Variants in KCNMA1 observed in about 807,000 individuals in gnomAD.
The protein encoded by KCNMA1 is potassium calcium-activated channel subfamily M alpha 1.
A neutral mutation model predicts 140.0 loss-of-function variants in KCNMA1; 29 were observed. The observed-to-expected ratio is 0.21, with a 90% CI of 0.15 to 0.28. KCNMA1 has a LOEUF of 0.28. Among genes scored for constraint, KCNMA1 ranks in the 10% least tolerant of loss-of-function variants. The pLI, the probability that KCNMA1 is intolerant of heterozygous loss-of-function variation, is 1.00. For synonymous variants in KCNMA1, 612 were observed against 611.9 expected (o/e 1.00, Z 0.00); for missense variants, 880 against 1,602.2 (o/e 0.55, Z 7.70).
chr10:77,381,488 TTCCTTC>T (rs1259906020), intron 2 of KCNMA1, among the ~76,000 whole-genome samples: 1 of 152,158 alleles, frequency 6.6e-6, no homozygotes, highest in African/African-American at 2.4e-5. Flanking sequence ...AGGCCTCGGT[TTCCTTC>T]TCGGCAGTAT....
chr10:77,507,988 T>C (rs971033095), intron 1 of KCNMA1, among the ~76,000 whole-genome samples: 2 of 152,194 alleles, frequency 1.3e-5, no homozygotes, highest in Admixed American at 6.5e-5. Flanking sequence ...AATAGGGAGA[T>C]GGTTAAGTAA....
intron 3 of KCNMA1, among the ~76,000 whole-genome samples, chr10:77,215,834 G>T (rs1050047447): frequency 4.6e-5 from 7 of 151,808 alleles, no homozygotes; most frequent in African/African-American, 1.7e-4. Context: ...GTCCTTGTAA[G>T]AACAGATACC....
At chr10:77,482,679 G>A (rs1280731782) in intron 1 of KCNMA1, among the ~76,000 whole-genome samples, 4 of 152,024 alleles carry the variant, frequency 2.6e-5, no homozygotes, top group African/African-American at 4.8e-5. Context: ...AAGCTTGAAA[G>A]TCCACAGAGA....
Position 77,195,864 on chromosome 10 carries a change from GT to G in KCNMA1, c.603-10949del, listed in dbSNP as rs931118169. ...CTCGGGAGGCTGAGGCAGGAGAATG[GT>G]TTGAACTCGGGTGGTAGAGGTTGCA... On this transcript the variant is annotated intron_variant, in intron 3 of 27. Coordinates refer to ENST00000286628, the MANE Select transcript of KCNMA1 (RefSeq NM_001161352.2). Among the ~76,000 whole-genome samples, 40 of 152,088 alleles carry G rather than the reference GT, an allele frequency of 2.6e-4. 1 individual carries two copies.
Position 76,886,233 on chromosome 10 carries a change from T to A in KCNMA1, c.*1033A>T, listed in dbSNP as rs1195600178. The A allele has an allele frequency of 1.0e-6, 1 of 985,216 alleles. No individual in the cohort carries two copies. Among genetic ancestry groups the A allele is most frequent in the Non-Finnish European group, 1.2e-6 (1 of 829,904 alleles). 61.0% of individuals were successfully genotyped at this position (985,216 alleles called of 1,614,324 possible). On this transcript the variant is annotated 3_prime_UTR_variant, in exon 28 of 28. Coordinates refer to ENST00000286628, the MANE Select transcript of KCNMA1 (RefSeq NM_001161352.2). Reference sequence around the variant, plus strand: ...TCCTACCTGGCATTGGGGCCCTAACTAATCAAACAAAGGGGAGTAAAAAGA... The same window carrying A: ...TCCTACCTGGCATTGGGGCCCTAACAAATCAAACAAAGGGGAGTAAAAAGA...
intron 2 of KCNMA1, among the ~76,000 whole-genome samples, chr10:77,326,516 C>CGTGGTGGTG (rs71477080): frequency 6.6e-6 from 1 of 151,318 alleles, no homozygotes; most frequent in African/African-American, 2.4e-5. Flanking sequence ...TGAGGACGAG[C>CGTGGTGGTG]GTGGTGGTGG....
chr10:76,885,735 C>A lies in KCNMA1; in HGVS notation c.*1531G>T, dbSNP rs765117675. ...TGAATTGGCCAGTTTTTAAGAAATA[C>A]CGCACTGCCTAAAGCATGATTTGCA... On this transcript the variant is annotated 3_prime_UTR_variant, in exon 28 of 28. Transcript: ENST00000286628. The A allele has an allele frequency of 4.1e-6, 4 of 985,320 alleles. No individual in the cohort carries two copies. The highest frequency in any genetic ancestry group is 4.8e-6 in the Non-Finnish European group (4 of 829,892). The allele number at this position is 985,320 out of a possible 1,614,324, so 61.0% of individuals were successfully genotyped here.
At chr10:76,967,328 T>C (rs2074338763) in intron 20 of KCNMA1, among the ~76,000 whole-genome samples, 1 of 152,158 alleles carries the variant, frequency 6.6e-6, no homozygotes, top group African/African-American at 2.4e-5. Flanking sequence ...GAATAGGACC[T>C]GAAAGTCCCA....
rs1567436184 is a variant in KCNMA1, at chr10:77,542,491, G to A, written c.378+94774C>T. On this transcript the variant is annotated intron_variant, in intron 1 of 27. Transcript: ENST00000286628. ...CCCAGACTTGGCTGATTGTTAGAACGCCTTGGAAGTTTTATAAAAATATAA... is the reference window on the plus strand; with the variant it reads ...CCCAGACTTGGCTGATTGTTAGAACACCTTGGAAGTTTTATAAAAATATAA... 4.6e-5 allele frequency among the ~76,000 whole-genome samples: 7 copies of A among 152,168 alleles called. 1 individual carries two copies. Among genetic ancestry groups the A allele is most frequent in the Admixed American group, 4.6e-4 (7 of 15,282 alleles).
chr10:77,629,561 C>T (rs78480847), intron 1 of KCNMA1, among the ~76,000 whole-genome samples: 1,893 of 152,276 alleles, frequency 0.012, 17 homozygotes, highest in East Asian at 0.031. Flanking sequence ...CCAACATCTA[C>T]GTGTGTTTAC....
At chr10:77,283,274 T>G (rs1406290376) in intron 2 of KCNMA1, among the ~76,000 whole-genome samples, 1 of 152,210 alleles carries the variant, frequency 6.6e-6, no homozygotes, top group Non-Finnish European at 1.5e-5. Context: ...CTTTCTATTT[T>G]CTCCTCTACC....
intron 2 of KCNMA1, among the ~76,000 whole-genome samples, chr10:77,371,090 G>A (rs1234013051): frequency 2.0e-5 from 3 of 152,182 alleles, no homozygotes; most frequent in African/African-American, 4.8e-5. Context: ...GCACCGCCCA[G>A]CGTTCTTTAA....
intron 18 of KCNMA1, among the ~76,000 whole-genome samples, chr10:77,006,471 T>C (rs1332896510): frequency 6.6e-6 from 1 of 152,208 alleles, no homozygotes; most frequent in Non-Finnish European, 1.5e-5. Context: ...CCACCAGGAT[T>C]TAAGGTGAGG....
intron 1 of KCNMA1, among the ~76,000 whole-genome samples, chr10:77,411,604 C>T (rs1042260833): frequency 3.3e-5 from 5 of 152,098 alleles, no homozygotes; most frequent in Admixed American, 6.6e-5. Flanking sequence ...GAGCAGCAGA[C>T]GGGAGAATGC....
At chr10:77,018,203 C>T (rs995343265) in intron 17 of KCNMA1, among the ~76,000 whole-genome samples, 3 of 152,168 alleles carry the variant, frequency 2.0e-5, no homozygotes, top group African/African-American at 7.2e-5. Context: ...ACTAGGAACT[C>T]ATTCAATGAA....
chr10:77,523,844 A>C (rs1477054946), intron 1 of KCNMA1, among the ~76,000 whole-genome samples: 9 of 152,186 alleles, frequency 5.9e-5, no homozygotes, highest in Non-Finnish European at 1.3e-4. Flanking sequence ...TAATGGATAC[A>C]AAAAAATAGA....
chr10:77,229,551 G>A (rs1459069549), intron 3 of KCNMA1, among the ~76,000 whole-genome samples: 1 of 152,112 alleles, frequency 6.6e-6, no homozygotes, highest in Non-Finnish European at 1.5e-5. Context: ...CTGTTGTATG[G>A]ATGGAGAAAC....
At chr10:77,576,766 C>T (rs1268367148) in intron 1 of KCNMA1, among the ~76,000 whole-genome samples, 3 of 152,178 alleles carry the variant, frequency 2.0e-5, no homozygotes, top group Non-Finnish European at 4.4e-5. Flanking sequence ...GCCTTCTGCC[C>T]TCTAAGCCAC....
At chr10:77,169,223 A>G (rs2098675966) in intron 5 of KCNMA1, among the ~76,000 whole-genome samples, 1 of 152,172 alleles carries the variant, frequency 6.6e-6, no homozygotes, top group Admixed American at 6.6e-5. Context: ...TGGCGATGGA[A>G]CATATCTGAG....
Sources: allele counts gnomAD v4.1 joint callset (sites outside exome capture counted in the v4.1 genomes callset), GRCh38; gene constraint gnomAD v4.1.1; transcripts MANE v1.5; gene names NCBI Gene and HGNC (gene_info 2026-07-23, HGNC 2026-07-21).